The following CNTNAP2 variants were observed in gnomAD, a reference collection of about 807,000 sequenced individuals.
CNTNAP2 encodes the protein contactin associated protein 2.
CNTNAP2 carries 98 observed loss-of-function variants against 155.2 expected under a neutral mutation model. The ratio of observed to expected loss-of-function variants is 0.63; its 90% CI spans 0.54 to 0.75. The LOEUF (loss-of-function observed/expected upper bound fraction) is 0.75, where lower values mean the gene tolerates loss of function less well. Ranked by LOEUF, CNTNAP2 falls within the 30% of genes least tolerant of loss-of-function variation. CNTNAP2 has a pLI of 0.00. For missense variants in CNTNAP2, 1,727 were observed against 1,688.1 expected (o/e 1.02, Z -0.40); for synonymous variants, 651 against 631.2 (o/e 1.03, Z -0.47).
chr7:146,960,189 T>G (rs1231134700), intron 3 of CNTNAP2, among the ~76,000 whole-genome samples: 1 of 152,230 alleles, frequency 6.6e-6, no homozygotes, highest in African/African-American at 2.4e-5. Flanking sequence ...AGTTTCTTTT[T>G]CTCCCTGCTA....
chr7:147,813,348 T>G (rs539891193), intron 13 of CNTNAP2, among the ~76,000 whole-genome samples: 5 of 152,308 alleles, frequency 3.3e-5, no homozygotes, highest in African/African-American at 1.2e-4. Flanking sequence ...GCCTAGAATC[T>G]CAGAGAAGAA....
chr7:147,903,575 TTACACTTGGTGGGTTGGCAAA>T lies in CNTNAP2; in HGVS notation c.2110_2130del (p.Tyr704_Lys710del). On this transcript the variant is annotated inframe_deletion, in exon 14 of 24. Coordinates refer to ENST00000361727, the MANE Select transcript of CNTNAP2 (RefSeq NM_014141.6). ...TGCCTTTTCTTGTAGATGGAAGCCC[TTACACTTGGTGGGTTGGCAAA>T]GCCAACGAGAAGCACTACTACTGGG... is the stretch of plus-strand genomic sequence containing the variant. 1 of 1,614,208 alleles carries T rather than the reference TTACACTTGGTGGGTTGGCAAA, an allele frequency of 6.2e-7. No individual in the cohort carries two copies. The highest frequency in any genetic ancestry group is 8.5e-7 in the Non-Finnish European group (1 of 1,180,036).
intron 15 of CNTNAP2, among the ~76,000 whole-genome samples, chr7:148,088,904 C>T (rs1216009351): frequency 6.6e-6 from 1 of 151,764 alleles, no homozygotes; most frequent in Non-Finnish European, 1.5e-5. Context: ...ATGCAAAAAC[C>T]CTCAACAAAA....
chr7:147,386,490 C>T (rs947794362), intron 9 of CNTNAP2, among the ~76,000 whole-genome samples: 2 of 152,128 alleles, frequency 1.3e-5, no homozygotes, highest in African/African-American at 4.8e-5. Context: ...CCTAAATCAC[C>T]TATCTGAAGT....
At position 147,482,293 on chromosome 7, in the gene CNTNAP2, T is replaced by A. The variant is rs115988397; in HGVS notation, c.1671-3642T>A. On this transcript the variant is annotated intron_variant, in intron 10 of 23. Coordinates refer to ENST00000361727, the MANE Select transcript of CNTNAP2 (RefSeq NM_014141.6). ...TTTTGTTTTGCTTGGTAACTGGTCCTAACTTTTAAAATATATATATATGGC... is the reference window on the plus strand; with the variant it reads ...TTTTGTTTTGCTTGGTAACTGGTCCAAACTTTTAAAATATATATATATGGC... Among the ~76,000 whole-genome samples the A allele has an allele frequency of 6.1e-3, 936 of 152,288 alleles. 15 individuals are homozygous for A. The highest frequency in any genetic ancestry group is 0.022 in the African/African-American group (900 of 41,566).
At chr7:147,968,043 G>T (rs371961504) in intron 14 of CNTNAP2, among the ~76,000 whole-genome samples, 5 of 152,048 alleles carry the variant, frequency 3.3e-5, no homozygotes, top group African/African-American at 1.2e-4. Context: ...CCTAGTTAAC[G>T]TCTATGTTTA....
chr7:147,425,259 C>T lies in CNTNAP2; in HGVS notation c.1670+29479C>T, dbSNP rs952879588. ...TCTCCTTCTTGTTCCACACAATGAC[C>T]ATTGCCTTTAAAAAAAAAAAAATCA... is the stretch of plus-strand genomic sequence containing the variant. On this transcript the variant is annotated intron_variant, in intron 10 of 23. Transcript: ENST00000361727. Among the ~76,000 whole-genome samples the T allele has an allele frequency of 5.1e-4, 22 of 42,806 alleles. No individual in the cohort carries two copies. In the East Asian group the frequency reaches 6.4e-3, roughly 13 times the overall value. The allele number at this position is 42,806 out of a possible 152,430, so 28.1% of individuals were successfully genotyped here.
chr7:147,358,217 T>C (rs2692126), intron 9 of CNTNAP2, among the ~76,000 whole-genome samples: 1 of 152,126 alleles, frequency 6.6e-6, no homozygotes, highest in Non-Finnish European at 1.5e-5. Flanking sequence ...CAGAAATACA[T>C]ACTTATAAAA....
At chr7:147,191,984 T>G (rs1271077459) in intron 8 of CNTNAP2, among the ~76,000 whole-genome samples, 1 of 152,112 alleles carries the variant, frequency 6.6e-6, no homozygotes, top group Non-Finnish European at 1.5e-5. Flanking sequence ...GAGTGGGGAG[T>G]GTATATTGTT....
chr7:147,549,413 G>C (rs926324100), intron 11 of CNTNAP2, among the ~76,000 whole-genome samples: 2 of 152,092 alleles, frequency 1.3e-5, no homozygotes, highest in Non-Finnish European at 2.9e-5. Flanking sequence ...CCTATTGTTG[G>C]TGTAAAGGAA....
At chr7:146,636,448 T>A (rs1193738033) in intron 1 of CNTNAP2, among the ~76,000 whole-genome samples, 6 of 152,180 alleles carry the variant, frequency 3.9e-5, no homozygotes, top group African/African-American at 9.6e-5. Context: ...TCTAAAAAAA[T>A]TGCCGAAATG....
At chr7:146,164,667 A>G (rs1380927847) in intron 1 of CNTNAP2, among the ~76,000 whole-genome samples, 1 of 152,220 alleles carries the variant, frequency 6.6e-6, no homozygotes, top group Admixed American at 6.5e-5. Context: ...CATAGGCATG[A>G]ACATTGAGTT....
At position 146,428,836 on chromosome 7, in the gene CNTNAP2, C is replaced by T. The variant is rs143726760; in HGVS notation, c.97+311863C>T. On this transcript the variant is annotated intron_variant, in intron 1 of 23. Coordinates refer to ENST00000361727, the MANE Select transcript of CNTNAP2 (RefSeq NM_014141.6). The stretch of plus-strand genomic sequence containing the variant: ...TGAAATCCTTGCCTGTTGACTATGT[C>T]CTGAATGGTATTGCCTAGATTTTCT... Among the ~76,000 whole-genome samples the T allele has an allele frequency of 3.9e-3, 588 of 152,064 alleles. 5 individuals are homozygous for T. The highest frequency in any genetic ancestry group is 0.014 in the African/African-American group (560 of 41,476).
intron 12 of CNTNAP2, among the ~76,000 whole-genome samples, chr7:147,566,054 G>A (rs183002225): frequency 0.012 from 1,818 of 150,560 alleles, 18 homozygotes; most frequent in Non-Finnish European, 0.018. Flanking sequence ...GCCAAGACAG[G>A]TGGATCGCTT....
At chr7:146,450,069 C>G (rs1796456655) in intron 1 of CNTNAP2, among the ~76,000 whole-genome samples, 1 of 152,038 alleles carries the variant, frequency 6.6e-6, no homozygotes, top group African/African-American at 2.4e-5. Flanking sequence ...AGTTATTTAC[C>G]AACACTGTTT....
intron 14 of CNTNAP2, among the ~76,000 whole-genome samples, chr7:147,952,980 C>T (rs931825551): frequency 6.6e-6 from 1 of 152,136 alleles, no homozygotes; most frequent in Non-Finnish European, 1.5e-5. Flanking sequence ...CCCAAGGTCA[C>T]GTAGTATGTG....
chr7:147,484,606 G>A (rs1032337701), intron 10 of CNTNAP2, among the ~76,000 whole-genome samples: 2 of 152,232 alleles, frequency 1.3e-5, no homozygotes, highest in Non-Finnish European at 1.5e-5. Context: ...AGGAGTAAAA[G>A]TTTGTAAAAA....
At chr7:147,985,339 C>T (rs1225537206) in intron 15 of CNTNAP2, among the ~76,000 whole-genome samples, 2 of 149,852 alleles carry the variant, frequency 1.3e-5, no homozygotes, top group African/African-American at 4.9e-5. Flanking sequence ...TCCACATGTA[C>T]ATGTTAAATC....
intron 1 of CNTNAP2, among the ~76,000 whole-genome samples, chr7:146,476,431 C>G (rs1796878025): frequency 6.6e-6 from 1 of 152,132 alleles, no homozygotes; most frequent in African/African-American, 2.4e-5. Flanking sequence ...AGCAGCATAA[C>G]TAACTCCTGG....
Sources: gnomAD v4.1 joint callset for allele counts (sites outside exome capture counted in the v4.1 genomes callset) on GRCh38, gnomAD v4.1.1 for gene constraint, MANE v1.5 for transcripts, NCBI Gene and HGNC (gene_info 2026-07-23, HGNC 2026-07-21) for gene names.